The following RBM47 variants were observed in gnomAD, a reference collection of about 807,000 sequenced individuals.
RBM47 encodes the protein RNA binding motif protein 47.
In RBM47, 21 loss-of-function variants were observed where a neutral mutation model predicts 47.1. That is an observed-to-expected ratio of 0.45 (90% CI 0.32 to 0.64). RBM47 has a LOEUF of 0.64. RBM47 is among the 30% of genes least tolerant of loss of function. RBM47 has a pLI of 0.05. For missense variants in RBM47, 708 were observed against 870.9 expected, an observed-to-expected ratio of 0.81 and a Z score of 2.35; for synonymous variants, 375 against 361.7, an observed-to-expected ratio of 1.04 and a Z score of -0.42.
At chr4:40,572,308 A>G (rs970929529) in intron 1 of RBM47, among the ~76,000 whole-genome samples, 3 of 151,280 alleles carry the variant, frequency 2.0e-5, no homozygotes, top group African/African-American at 7.3e-5. Context: ...GCTTGAAGCC[A>G]GGAGGCGGAG....
chr4:40,534,165 T>C (rs1337523240), intron 2 of RBM47, among the ~76,000 whole-genome samples: 1 of 151,166 alleles, frequency 6.6e-6, no homozygotes, highest in Non-Finnish European at 1.5e-5. Flanking sequence ...GGGGTCTCAC[T>C]ATGTTGCCCA....
At chr4:40,533,029 C>G (rs193220113) in intron 2 of RBM47, among the ~76,000 whole-genome samples, 1 of 152,212 alleles carries the variant, frequency 6.6e-6, no homozygotes, top group East Asian at 1.9e-4. Flanking sequence ...GACAGGACTC[C>G]ACCAAGCAGA....
intron 2 of RBM47, among the ~76,000 whole-genome samples, chr4:40,492,554 T>C (rs1722030435): frequency 6.6e-6 from 1 of 152,208 alleles, no homozygotes; most frequent in East Asian, 1.9e-4. Context: ...GATGCCATGA[T>C]GTCCATGTTC....
At chr4:40,523,494 T>C (rs943906980) in intron 2 of RBM47, among the ~76,000 whole-genome samples, 3 of 151,828 alleles carry the variant, frequency 2.0e-5, no homozygotes, top group African/African-American at 7.3e-5. Context: ...CTACCAAAAA[T>C]ACAAAAATTA....
chr4:40,601,513 C>T (rs993104038), intron 1 of RBM47, among the ~76,000 whole-genome samples: 2 of 152,200 alleles, frequency 1.3e-5, no homozygotes, highest in Non-Finnish European at 2.9e-5. Flanking sequence ...TCAATGACAT[C>T]TCAATCAAGT....
At chr4:40,456,327 T>C (rs1716235099) in intron 3 of RBM47, among the ~76,000 whole-genome samples, 1 of 152,178 alleles carries the variant, frequency 6.6e-6, no homozygotes, top group Non-Finnish European at 1.5e-5. Flanking sequence ...AAGTTGAATA[T>C]ATGAACTGGT....
intron 2 of RBM47, among the ~76,000 whole-genome samples, chr4:40,514,060 C>T (rs1185671926): frequency 6.6e-6 from 1 of 151,884 alleles, no homozygotes; most frequent in Non-Finnish European, 1.5e-5. Flanking sequence ...CTAAATTTAA[C>T]AGAATTGGGG....
rs115466646 is a variant in RBM47 at position 40,595,610 on chromosome 4, G to A, written c.-240+33786C>T. On this transcript the variant is annotated intron_variant, in intron 1 of 6. Coordinates refer to ENST00000295971, the MANE Select transcript of RBM47 (RefSeq NM_001098634.2). ...TCATTTATGTTTAAAAGATCAGGCC[G>A]GGTGCTGTGGCTCATGCCTGTAATC... 7.3e-3 allele frequency among the ~76,000 whole-genome samples: 1,111 copies of A among 152,186 alleles called. 16 individuals are homozygous for A. Among genetic ancestry groups the A allele is most frequent in the African/African-American group, 0.026 (1,070 of 41,514 alleles).
chr4:40,500,737 C>T (rs1251242354), intron 2 of RBM47, among the ~76,000 whole-genome samples: 1 of 152,060 alleles, frequency 6.6e-6, no homozygotes, highest in East Asian at 1.9e-4. Flanking sequence ...CTGAATTTTA[C>T]CAAATGAATT....
chr4:40,509,510 G>A (rs998040402), intron 2 of RBM47, among the ~76,000 whole-genome samples: 2 of 152,134 alleles, frequency 1.3e-5, no homozygotes, highest in Non-Finnish European at 2.9e-5. Context: ...GTCTAGGTGG[G>A]AGAATTACTT....
rs558064777 is a variant in RBM47 at position 40,535,395 on chromosome 4, C to T, written c.-155+9027G>A. Among the ~76,000 whole-genome samples the T allele has an allele frequency of 2.0e-4, 12 of 59,234 alleles. No homozygotes were observed. The East Asian group carries it at 2.3e-3, about 11-fold the overall frequency. The allele number at this position is 59,234 out of a possible 152,430, so 38.9% of individuals were successfully genotyped here. ...TCTTTTTTTTTTTTTTTTTTTGAGA[C>T]GGAGCCTTGCTCTGTCACCCAGGCT... On this transcript the variant is annotated intron_variant, in intron 2 of 6. Transcript: ENST00000295971.
intron 2 of RBM47, among the ~76,000 whole-genome samples, chr4:40,516,904 T>C (rs1725644778): frequency 6.6e-6 from 1 of 152,162 alleles, no homozygotes. Context: ...CTTATTCTAA[T>C]GTTAGGGTTT....
At chr4:40,606,904 G>A (rs1735809290) in intron 1 of RBM47, among the ~76,000 whole-genome samples, 1 of 152,048 alleles carries the variant, frequency 6.6e-6, no homozygotes, top group South Asian at 2.1e-4. Context: ...GATCACTTGA[G>A]ACCAGGAGAT....
At chr4:40,463,755 A>G (rs1441382876) in intron 3 of RBM47, among the ~76,000 whole-genome samples, 1 of 151,598 alleles carries the variant, frequency 6.6e-6, no homozygotes, top group East Asian at 2.0e-4. Flanking sequence ...TTTTGTCGTT[A>G]CATTTAATGG....
chr4:40,605,213 C>T (rs1156243023), intron 1 of RBM47, among the ~76,000 whole-genome samples: 1 of 151,896 alleles, frequency 6.6e-6, no homozygotes, highest in African/African-American at 2.4e-5. Context: ...TTAGTAGAGA[C>T]GGGGTTTCAC....
At chr4:40,503,311 G>A (rs1274427338) in intron 2 of RBM47, among the ~76,000 whole-genome samples, 1 of 152,180 alleles carries the variant, frequency 6.6e-6, no homozygotes, top group East Asian at 1.9e-4. Context: ...TAGGTGGTGG[G>A]CATTGGGAAG....
chr4:40,582,254 C>T (rs1316417989), intron 1 of RBM47, among the ~76,000 whole-genome samples: 2 of 152,204 alleles, frequency 1.3e-5, no homozygotes, highest in Non-Finnish European at 2.9e-5. Context: ...AAGATCTGGG[C>T]CAGGCATAGT....
chr4:40,445,829 G>A (rs150088113), intron 3 of RBM47, among the ~76,000 whole-genome samples: 7 of 152,290 alleles, frequency 4.6e-5, no homozygotes, highest in African/African-American at 1.7e-4. Flanking sequence ...TGAGATTCTT[G>A]CTTGGGGCAG....
intron 2 of RBM47, among the ~76,000 whole-genome samples, chr4:40,534,913 C>T (rs1727780085): frequency 7.4e-6 from 1 of 134,442 alleles, no homozygotes; most frequent in African/African-American, 3.1e-5. Context: ...CCAGCCTGGG[C>T]GATGGAGCAA....
Sources: gnomAD v4.1 joint callset for allele counts (sites outside exome capture counted in the v4.1 genomes callset) on GRCh38, gnomAD v4.1.1 for gene constraint, MANE v1.5 for transcripts, NCBI Gene and HGNC (gene_info 2026-07-23, HGNC 2026-07-21) for gene names.